ZNF385D: variants seen among roughly 807,000 people sequenced by gnomAD.
The protein encoded by ZNF385D is zinc finger protein 659.
A neutral mutation model predicts 35.8 loss-of-function variants in ZNF385D; 15 were observed. The observed-to-expected ratio is 0.42, with a 90% CI of 0.28 to 0.64. The LOEUF (loss-of-function observed/expected upper bound fraction) is 0.64, where lower values mean the gene tolerates loss of function less well. ZNF385D is among the 30% of genes least tolerant of loss of function. The pLI, the probability that ZNF385D is intolerant of heterozygous loss-of-function variation, is 0.23. For missense variants in ZNF385D, 474 were observed against 494.6 expected (o/e 0.96, Z 0.39); for synonymous variants, 212 against 186.8 (o/e 1.13, Z -1.10).
At chr3:21,906,110 C>T (rs1199986587) in intron 3 of ZNF385D, among the ~76,000 whole-genome samples, 1 of 152,160 alleles carries the variant, frequency 6.6e-6, no homozygotes, top group Non-Finnish European at 1.5e-5. Flanking sequence ...AAAACCCAGC[C>T]ACACAACATT....
rs1240775612 is a variant in ZNF385D, at chr3:21,757,463, CTCTT to C, written c.326-92439_326-92436del. 7.2e-5 allele frequency among the ~76,000 whole-genome samples: 11 copies of C among 152,212 alleles called. No homozygotes were observed. In the East Asian group the frequency reaches 1.5e-3, roughly 21 times the overall value. Reference sequence around the variant, plus strand: ...TGGCCTAAATTTATTATATATGTGACTCTTTCTAATTTGATAGACAGCTAATAGG... The same window carrying C: ...TGGCCTAAATTTATTATATATGTGACTCTAATTTGATAGACAGCTAATAGG... On this transcript the variant is annotated intron_variant, in intron 3 of 5. Transcript: ENST00000494108.
At chr3:21,763,528 G>T (rs1482877333) in intron 3 of ZNF385D, among the ~76,000 whole-genome samples, 2 of 152,086 alleles carry the variant, frequency 1.3e-5, no homozygotes, top group African/African-American at 4.8e-5. Flanking sequence ...CCTTTCAAAT[G>T]AATATCGTGT....
chr3:21,908,710 C>G (rs1477489021), intron 3 of ZNF385D, among the ~76,000 whole-genome samples: 1 of 151,938 alleles, frequency 6.6e-6, no homozygotes, highest in Non-Finnish European at 1.5e-5. Context: ...ACAGCATGGG[C>G]AAAGTTCTCA....
intron 3 of ZNF385D, among the ~76,000 whole-genome samples, chr3:21,884,052 A>G (rs1351431926): frequency 2.0e-5 from 3 of 152,066 alleles, no homozygotes; most frequent in African/African-American, 7.2e-5. Flanking sequence ...TAACACACAC[A>G]ATATAAATGC....
intron 3 of ZNF385D, among the ~76,000 whole-genome samples, chr3:21,963,836 T>C (rs1702732355): frequency 6.6e-6 from 1 of 152,118 alleles, no homozygotes; most frequent in Non-Finnish European, 1.5e-5. Flanking sequence ...ATTAAAATAA[T>C]GGCCCTGGTG....
chr3:21,989,777 C>T (rs551243086), intron 3 of ZNF385D, among the ~76,000 whole-genome samples: 1 of 152,288 alleles, frequency 6.6e-6, no homozygotes, highest in South Asian at 2.1e-4. Context: ...TCAACTGACC[C>T]AGGTTACACA....
At chr3:21,512,717 C>T (rs1194512860) in intron 3 of ZNF385D, among the ~76,000 whole-genome samples, 1 of 152,112 alleles carries the variant, frequency 6.6e-6, no homozygotes, top group African/African-American at 2.4e-5. Context: ...ATTGAGGAAC[C>T]AGCGATAGAT....
intron 3 of ZNF385D, among the ~76,000 whole-genome samples, chr3:22,096,492 T>G (rs1701641142): frequency 6.6e-6 from 1 of 152,060 alleles, no homozygotes; most frequent in East Asian, 1.9e-4. Context: ...CATATAACTC[T>G]AATAAGAACT....
chr3:22,256,447 C>A lies in ZNF385D; in HGVS notation c.107-87412G>T, dbSNP rs139944581. Among the ~76,000 whole-genome samples, 559 of 151,684 alleles carry A rather than the reference C, an allele frequency of 3.7e-3. 4 individuals carry two copies. The highest frequency in any genetic ancestry group is 0.013 in the African/African-American group (525 of 41,476). On this transcript the variant is annotated intron_variant, in intron 2 of 5. Coordinates refer to the ZNF385D transcript ENST00000494108. ...TTAATCTTCATAAAATTGAATTGAT[C>A]ATTTTTTTTAGTTCCTGCCTACAGA...
intron 2 of ZNF385D, among the ~76,000 whole-genome samples, chr3:21,623,198 T>G (rs2065052608): frequency 6.6e-6 from 1 of 152,098 alleles, no homozygotes; most frequent in Non-Finnish European, 1.5e-5. Flanking sequence ...TCCAAAGAGA[T>G]AATGTAGTTC....
chr3:21,878,298 T>G (rs1466730435), intron 3 of ZNF385D: 1 of 151,940 alleles, frequency 6.6e-6, no homozygotes, highest in African/African-American at 2.4e-5. Flanking sequence ...GGATTCAAAT[T>G]CTTAATTACT....
Position 21,978,649 on chromosome 3 carries a change from T to C in ZNF385D, c.325+190168A>G, listed in dbSNP as rs562814068. 2.6e-5 allele frequency among the ~76,000 whole-genome samples: 4 copies of C among 152,348 alleles called. 1 individual carries two copies. Among genetic ancestry groups the C allele is most frequent in the East Asian group, 1.9e-4 (1 of 5,176 alleles). ...CATATGTGTTCTTATTCAATTACTCTTTTATGAGTACAAGACATTTCTATT... is the reference window on the plus strand; with the variant it reads ...CATATGTGTTCTTATTCAATTACTCCTTTATGAGTACAAGACATTTCTATT... On this transcript the variant is annotated intron_variant, in intron 3 of 5. Transcript: ENST00000494108.
chr3:21,824,295 G>C (rs1266018271), intron 3 of ZNF385D, among the ~76,000 whole-genome samples: 1 of 152,076 alleles, frequency 6.6e-6, no homozygotes, highest in Admixed American at 6.5e-5. Context: ...TTTTTTAAAA[G>C]GCTATGTAGT....
chr3:21,434,819 C>T (rs951210522), intron 5 of ZNF385D, among the ~76,000 whole-genome samples: 5 of 152,028 alleles, frequency 3.3e-5, no homozygotes, highest in Non-Finnish European at 7.4e-5. Flanking sequence ...AGGGAAAATA[C>T]AGGGAAAAGG....
At chr3:21,491,482 A>T (rs576936528) in intron 4 of ZNF385D, among the ~76,000 whole-genome samples, 6 of 152,256 alleles carry the variant, frequency 3.9e-5, no homozygotes, top group African/African-American at 1.4e-4. Context: ...AACCACCAGA[A>T]TCATTAAAGA....
chr3:21,979,155 T>C (rs1458597927), intron 3 of ZNF385D, among the ~76,000 whole-genome samples: 5 of 152,046 alleles, frequency 3.3e-5, no homozygotes, highest in Admixed American at 1.3e-4. Context: ...CATTTGCCTG[T>C]AGAATAGTCT....
intron 3 of ZNF385D, among the ~76,000 whole-genome samples, chr3:22,036,709 G>GTTT (rs769311209): frequency 1.5e-5 from 2 of 133,794 alleles, no homozygotes; most frequent in Admixed American, 7.5e-5. Flanking sequence ...GCCCTACTAG[G>GTTT]TTTTTTTTTT....
intron 1 of ZNF385D, among the ~76,000 whole-genome samples, chr3:21,743,792 G>A (rs144542455): frequency 9.0e-4 from 137 of 152,292 alleles, no homozygotes; most frequent in African/African-American, 3.0e-3. Context: ...CCATAACACC[G>A]ATGCATGCCT....
intron 3 of ZNF385D, among the ~76,000 whole-genome samples, chr3:21,999,144 T>C (rs754096252): frequency 2.2e-4 from 34 of 152,198 alleles, no homozygotes; most frequent in Admixed American, 4.6e-4. Flanking sequence ...TTCACAGAAC[T>C]GCAGCATTTC....
Sources: gnomAD v4.1 joint callset for allele counts (sites outside exome capture counted in the v4.1 genomes callset) on GRCh38, gnomAD v4.1.1 for gene constraint, MANE v1.5 for transcripts, NCBI Gene and HGNC (gene_info 2026-07-23, HGNC 2026-07-21) for gene names.